Variants in EPHB1 observed in about 807,000 individuals in gnomAD.
EPHB1 encodes EPH receptor B1, also known as ephrin type-B receptor 1.
A neutral mutation model predicts 94.4 loss-of-function variants in EPHB1; 30 were observed. The ratio of observed to expected loss-of-function variants is 0.32; its 90% CI spans 0.24 to 0.43. EPHB1 has a LOEUF of 0.43. EPHB1 is among the 20% of genes least tolerant of loss of function. EPHB1 has a pLI of 1.00. For synonymous variants in EPHB1, 522 were observed against 489.1 expected, an observed-to-expected ratio of 1.07 and a Z score of -0.89; for missense variants, 1,055 against 1,308.3, an observed-to-expected ratio of 0.81 and a Z score of 2.99.
chr3:134,850,653 T>A (rs1458411062), intron 1 of EPHB1, among the ~76,000 whole-genome samples: 1 of 151,834 alleles, frequency 6.6e-6, no homozygotes, highest in Non-Finnish European at 1.5e-5. Flanking sequence ...AACTTAGGAG[T>A]CTTGGTGCGG....
At chr3:135,169,161 C>T (rs543935081) in intron 9 of EPHB1, among the ~76,000 whole-genome samples, 2 of 152,284 alleles carry the variant, frequency 1.3e-5, no homozygotes, top group South Asian at 4.2e-4. Flanking sequence ...TGTTACCTCT[C>T]AGGCCAACAG....
rs761919352 is a variant in EPHB1 at position 135,259,005 on chromosome 3, C to G, written c.2847-7C>G. The G allele has an allele frequency of 4.4e-6, 7 of 1,598,310 alleles. No individual in the cohort carries two copies. In the East Asian group the frequency reaches 1.6e-4, roughly 36 times the overall value. On this transcript the variant is annotated splice_polypyrimidine_tract_variant and splice_region_variant and intron_variant, in intron 15 of 15. Transcript: ENST00000398015. ...AAGTGACTTCTTTTCTGGCTCTTTC[C>G]TCCTAGAGACCTCCTGAGAATAGGC...
At chr3:134,980,518 T>G (rs1171951236) in intron 3 of EPHB1, among the ~76,000 whole-genome samples, 1 of 152,194 alleles carries the variant, frequency 6.6e-6, no homozygotes, top group African/African-American at 2.4e-5. Flanking sequence ...AAGAAACTGT[T>G]TCTCTTCTGA....
intron 1 of EPHB1, among the ~76,000 whole-genome samples, chr3:134,886,150 G>A (rs1479930737): frequency 6.6e-6 from 1 of 152,190 alleles, no homozygotes; most frequent in Non-Finnish European, 1.5e-5. Flanking sequence ...AGAAGCAGGA[G>A]GATGTGGGGG....
chr3:134,807,258 T>C (rs1020036222), intron 1 of EPHB1, among the ~76,000 whole-genome samples: 2 of 152,142 alleles, frequency 1.3e-5, no homozygotes, highest in African/African-American at 4.8e-5. Context: ...TTATTGAGCA[T>C]CTACATGAGA....
Position 134,885,667 on chromosome 3 carries a change from T to C in EPHB1, c.59-40149T>C, listed in dbSNP as rs1415476314. ...ATAATTGTGAGAAGAAAGGGCTCCA[T>C]AGCGGAGAACATTTGGAAAACTTCT... On this transcript the variant is annotated intron_variant, in intron 1 of 15. Transcript: ENST00000398015. 4.0e-5 allele frequency among the ~76,000 whole-genome samples: 6 copies of C among 151,896 alleles called. No individual in the cohort carries two copies. In the East Asian group the frequency reaches 1.2e-3, roughly 29 times the overall value.
chr3:134,880,036 C>T (rs574793491), intron 1 of EPHB1, among the ~76,000 whole-genome samples: 1 of 152,194 alleles, frequency 6.6e-6, no homozygotes, highest in African/African-American at 2.4e-5. Context: ...AGTTCAGTGG[C>T]CTTCCCTGAT....
intron 1 of EPHB1, among the ~76,000 whole-genome samples, chr3:134,922,509 A>G (rs952528155): frequency 5.3e-5 from 8 of 152,264 alleles, no homozygotes; most frequent in African/African-American, 1.9e-4. Context: ...GCACTAGAGC[A>G]GGTGATCATG....
chr3:134,901,108 A>C (rs1468399055), intron 1 of EPHB1, among the ~76,000 whole-genome samples: 3 of 152,142 alleles, frequency 2.0e-5, no homozygotes, highest in Admixed American at 2.0e-4. Flanking sequence ...GCATAGTTTA[A>C]ATATTTTTAC....
intron 3 of EPHB1, among the ~76,000 whole-genome samples, chr3:135,069,120 C>T: frequency 6.6e-6 from 1 of 151,040 alleles, no homozygotes; most frequent in East Asian, 2.0e-4. Context: ...ATCTAAGAAG[C>T]CGCATTACCT....
intron 3 of EPHB1, among the ~76,000 whole-genome samples, chr3:135,075,683 G>A (rs1455470005): frequency 6.6e-6 from 1 of 152,178 alleles, no homozygotes; most frequent in East Asian, 1.9e-4. Flanking sequence ...GTGGTAGAAA[G>A]AAAGAAGCAG....
chr3:135,043,216 G>C (rs1474275873), intron 3 of EPHB1, among the ~76,000 whole-genome samples: 2 of 151,456 alleles, frequency 1.3e-5, no homozygotes, highest in Non-Finnish European at 2.9e-5. Context: ...TCCACTCCTA[G>C]GATTTTATTT....
intron 1 of EPHB1, among the ~76,000 whole-genome samples, chr3:134,823,359 A>G (rs985167961): frequency 2.6e-5 from 4 of 152,170 alleles, no homozygotes; most frequent in African/African-American, 9.7e-5. Context: ...AGTCCATGTC[A>G]TCGTGGTCCC....
intron 4 of EPHB1, 145 bp downstream of exon 4, chr3:135,106,748 C>T: frequency 1.9e-6 from 2 of 1,041,714 alleles, no homozygotes; most frequent in African/African-American, 1.6e-5. Context: ...ACATACAACT[C>T]CTATGCTCGG....
chr3:134,995,174 G>A (rs919007676), intron 3 of EPHB1, among the ~76,000 whole-genome samples: 4 of 152,108 alleles, frequency 2.6e-5, no homozygotes, highest in African/African-American at 7.2e-5. Flanking sequence ...CAATCAATGT[G>A]TTCTTGATCT....
intron 3 of EPHB1, among the ~76,000 whole-genome samples, chr3:135,003,475 CT>C (rs1207176268): frequency 6.8e-6 from 1 of 147,832 alleles, no homozygotes; most frequent in Non-Finnish European, 1.5e-5. Context: ...TCTATTAGGT[CT>C]GCTTGGTGCA....
At chr3:135,229,071 G>C (rs1479218569) in intron 12 of EPHB1, among the ~76,000 whole-genome samples, 2 of 152,136 alleles carry the variant, frequency 1.3e-5, no homozygotes, top group Admixed American at 1.3e-4. Flanking sequence ...AGATACACAG[G>C]AAGGAGCTGC....
chr3:135,039,972 G>A (rs569320731), intron 3 of EPHB1, among the ~76,000 whole-genome samples: 1 of 152,326 alleles, frequency 6.6e-6, no homozygotes, highest in African/African-American at 2.4e-5. Flanking sequence ...CCAGCATGCT[G>A]TCACCTCTCA....
chr3:135,192,474 AC>A, intron 10 of EPHB1, 101 bp from the exon 11 acceptor site: 2 of 1,405,552 alleles, frequency 1.4e-6, no homozygotes, highest in Non-Finnish European at 1.9e-6. Context: ...CACTTTAATC[AC>A]AATTCCACTT....
Sources: allele counts gnomAD v4.1 joint callset (sites outside exome capture counted in the v4.1 genomes callset), GRCh38; gene constraint gnomAD v4.1.1; transcripts MANE v1.5; gene names NCBI Gene and HGNC (gene_info 2026-07-23, HGNC 2026-07-21).